The following ATP8B2 variants were observed in gnomAD, a reference collection of about 807,000 sequenced individuals.
ATP8B2 encodes phospholipid-transporting ATPase ID.
ATP8B2 carries 70 observed loss-of-function variants against 133.4 expected under a neutral mutation model. The observed-to-expected ratio is 0.52, with a 90% CI of 0.43 to 0.64. ATP8B2 has a LOEUF of 0.64. Among genes scored for constraint, ATP8B2 ranks in the 30% least tolerant of loss-of-function variants. The pLI is 0.00. For missense variants in ATP8B2, 1,101 were observed against 1,535.7 expected (o/e 0.72, Z 4.73); for synonymous variants, 517 against 589.5 (o/e 0.88, Z 1.78).
At chr1:154,335,903 G>C (rs1686163580) in intron 11 of ATP8B2, among the ~76,000 whole-genome samples, 1 of 152,024 alleles carries the variant, frequency 6.6e-6, no homozygotes. Flanking sequence ...GCTGGGCGTG[G>C]TGGCGGGCAC....
rs757481973 is a variant in ATP8B2, at chr1:154,349,101, A to G, written c.3556A>G (p.Lys1186Glu). Residue 1186 changes from lysine (K) to glutamate (E), a missense_variant, in exon 28 of 28, where the codon AAG (lysine) becomes GAG (glutamate). Coordinates refer to ENST00000368489, the MANE Select transcript of ATP8B2 (RefSeq NM_001370597.1). ...SASSPSGGADKPLKG is the reference protein window; with the variant it reads ...SASSPSGGADEPLKG ...CAGTAGCCCCAGTGGCGGTGCCGAC[A>G]AGCCCCTCAAGGGCTGAAGGCCGAG... 1.2e-6 allele frequency: 2 copies of G among 1,613,908 alleles called. No homozygotes were observed. Among genetic ancestry groups the G allele is most frequent in the Admixed American group, 1.7e-5 (1 of 60,024 alleles).
Position 154,345,103 on chromosome 1 carries a change from G to A in ATP8B2, c.2419G>A (p.Ala807Thr), listed in dbSNP as rs751259917. ...VVELVKKYKKAVTLAIGDGAN... is the reference protein window; with the variant it reads ...VVELVKKYKKTVTLAIGDGAN... ...AGAACTGGTCAAGAAGTACAAGAAG[G>A]CTGTGACGCTTGCCATTGGAGACGG... Residue 807 changes from alanine to threonine, a missense_variant, in exon 22 of 28, where the codon GCT becomes ACT. Transcript: ENST00000368489. This position sits in a 1 kb window ranked among gnomAD's most constrained non-coding sequence, Gnocchi z 5.6. The A allele has an allele frequency of 1.9e-6, 3 of 1,614,206 alleles. No homozygotes were observed. The highest frequency in any genetic ancestry group is 2.5e-6 in the Non-Finnish European group (3 of 1,180,034).
chr1:154,335,199 A>G (rs1452488732), intron 11 of ATP8B2, among the ~76,000 whole-genome samples: 1 of 151,710 alleles, frequency 6.6e-6, no homozygotes, highest in South Asian at 2.1e-4. Flanking sequence ...GTGTGCGGAA[A>G]CCCAGCCTGG....
chr1:154,345,045 C>T lies in ATP8B2; in HGVS notation c.2361C>T (p.Cys787=). 1.2e-6 allele frequency: 2 copies of T among 1,614,162 alleles called. No individual in the cohort carries two copies. The highest frequency in any genetic ancestry group is 1.7e-6 in the Non-Finnish European group (2 of 1,180,030). The change falls in exon 22 of 28, where the codon TGC becomes TGT. Residue 787 remains cysteine, a synonymous_variant. Coordinates refer to ENST00000368489, the MANE Select transcript of ATP8B2 (RefSeq NM_001370597.1). The surrounding 1 kb of genome is among the most constrained non-coding windows in gnomAD (Gnocchi z 5.6). The part of the protein sequence containing the change: ...TACACKAVIC[C]RVTPLQKAQV... ...GTGCCTGCAAAGCTGTCATCTGCTG[C>T]CGGGTGACCCCCTTGCAGAAGGCAC...
chr1:154,345,928 T>C lies in ATP8B2; in HGVS notation c.2778+45T>C, dbSNP rs2149175355. On this transcript the variant is annotated intron_variant, in intron 24 of 27. Transcript: ENST00000368489. The surrounding 1 kb of genome is among the most constrained non-coding windows in gnomAD (Gnocchi z 5.6). ...TCAGATGGGATGCGGGGAAGGTCACTGCTTGAAGGAGTCACATAGACGTGG... is the reference window on the plus strand; with the variant it reads ...TCAGATGGGATGCGGGGAAGGTCACCGCTTGAAGGAGTCACATAGACGTGG... 1 of 1,514,968 alleles carries C rather than the reference T, an allele frequency of 6.6e-7. No homozygotes were observed. Among genetic ancestry groups the C allele is most frequent in the Admixed American group, 1.7e-5 (1 of 59,706 alleles). 93.8% of individuals were successfully genotyped at this position (1,514,968 alleles called of 1,614,324 possible).
At chr1:154,348,006 CAAG>C (rs1686645184) in intron 26 of ATP8B2, among the ~76,000 whole-genome samples, 2 of 103,984 alleles carry the variant, frequency 1.9e-5, no homozygotes, top group Non-Finnish European at 4.0e-5. Context: ...AGAAATGAAT[CAAG>C]ATAAAAAACA....
In ATP8B2 at chr1:154,331,524, CAA is replaced by C. The variant is rs767696949; in HGVS notation, c.365+20_365+21del. The C allele has an allele frequency of 1.2e-5, 19 of 1,613,902 alleles. No homozygotes were observed. The highest frequency in any genetic ancestry group is 1.5e-5 in the Non-Finnish European group (18 of 1,179,882). ...ATGGAATGTGAGTGCCTGTTGGAGA[CAA>C]GAGCTCTGGGGACGAAGGGGGTCCC... On this transcript the variant is annotated intron_variant, in intron 6 of 27. Transcript: ENST00000368489. The surrounding 1 kb of genome is among the most constrained non-coding windows in gnomAD (Gnocchi z 4.8).
In ATP8B2 at chr1:154,328,152, G is replaced by A. The variant is rs370502233; in HGVS notation, c.11G>A (p.Cys4Tyr). The A allele has an allele frequency of 3.7e-6, 6 of 1,613,958 alleles. No individual in the cohort carries two copies. In the East Asian group the frequency reaches 6.7e-5, roughly 18 times the overall value. Residue 4 changes from cysteine to tyrosine, a missense_variant, in exon 2 of 28, where the codon TGT (cysteine) becomes TAT (tyrosine). Cys to Tyr is a radical substitution (Grantham distance 194). Transcript: ENST00000368489. The surrounding 1 kb of genome is among the most constrained non-coding windows in gnomAD (Gnocchi z 4.6). ...ATCTTGCTGGGTGAGATGGCAGTGT[G>A]TGCAAAAAAGCGCCCCCCAGGTAAG... MAV[C>Y]AKKRPPEEER...
rs757500415 is a variant in ATP8B2, at chr1:154,346,291, C to T, written c.2839C>T (p.Leu947Phe). The change falls in exon 25 of 28, where the codon CTT becomes TTT. Residue 947 changes from leucine (L) to phenylalanine (F), a missense_variant. Coordinates refer to ENST00000368489, the MANE Select transcript of ATP8B2 (RefSeq NM_001370597.1). The surrounding 1 kb of genome is among the most constrained non-coding windows in gnomAD (Gnocchi z 4.5). ...GCTGTATGAGCCGGGCCAGCTGAAC[C>T]TTCTCTTCAACAAGCGGGAGTTCTT... ...PKLYEPGQLN[L>F]LFNKREFFIC... is the part of the protein sequence containing the mutation. The T allele has an allele frequency of 2.5e-6, 4 of 1,614,194 alleles. No homozygotes were observed. The highest frequency in any genetic ancestry group is 3.4e-6 in the Non-Finnish European group (4 of 1,180,030).
intron 11 of ATP8B2, among the ~76,000 whole-genome samples, chr1:154,336,087 C>T (rs955193926): frequency 3.3e-5 from 5 of 151,952 alleles, no homozygotes; most frequent in South Asian, 2.1e-4. Flanking sequence ...TGAACATTAC[C>T]GTGGCTTGGC....
chr1:154,343,079 A>C lies in ATP8B2; in HGVS notation c.1454-34A>C, dbSNP rs772269868. 5.3e-5 allele frequency: 85 copies of C among 1,601,436 alleles called. No individual in the cohort carries two copies. Among genetic ancestry groups the C allele is most frequent in the Non-Finnish European group, 7.0e-5 (82 of 1,172,822 alleles). On this transcript the variant is annotated intron_variant, in intron 15 of 27. Transcript: ENST00000368489. This position sits in a 1 kb window ranked among gnomAD's most constrained non-coding sequence, Gnocchi z 5.8. ...GCGGGGCACGTGGCTGAGGGAAGCC[A>C]CTTATATCACGTGTATTCTTCCTCC...
chr1:154,343,057 G>A lies in ATP8B2; in HGVS notation c.1454-56G>A. ...CGGCTGGGCTGGGGCTTCCTGGGCG[G>A]GGCACGTGGCTGAGGGAAGCCACTT... is the stretch of plus-strand genomic sequence containing the variant. On this transcript the variant is annotated intron_variant, in intron 15 of 27. Coordinates refer to ENST00000368489, the MANE Select transcript of ATP8B2 (RefSeq NM_001370597.1). The surrounding 1 kb of genome is among the most constrained non-coding windows in gnomAD (Gnocchi z 5.8). 1 of 1,595,310 alleles carries A rather than the reference G, an allele frequency of 6.3e-7. No homozygotes were observed. The highest frequency in any genetic ancestry group is 1.1e-5 in the South Asian group (1 of 88,568).
chr1:154,346,294 C>T lies in ATP8B2; in HGVS notation c.2842C>T (p.Leu948Phe). The change falls in exon 25 of 28, where the codon CTC becomes TTC. Residue 948 changes from leucine (L) to phenylalanine (F), a missense_variant. Transcript: ENST00000368489. This position sits in a 1 kb window ranked among gnomAD's most constrained non-coding sequence, Gnocchi z 4.5. ...KLYEPGQLNL[L>F]FNKREFFICI... is the part of the protein sequence containing the mutation. ...GTATGAGCCGGGCCAGCTGAACCTT[C>T]TCTTCAACAAGCGGGAGTTCTTCAT... 1 of 1,614,216 alleles carries T rather than the reference C, an allele frequency of 6.2e-7. No individual in the cohort carries two copies. The highest frequency in any genetic ancestry group is 8.5e-7 in the Non-Finnish European group (1 of 1,180,040).
rs764149240 is a variant in ATP8B2, at chr1:154,345,062, A to G, written c.2378A>G (p.Gln793Arg). 2 of 1,614,204 alleles carry G rather than the reference A, an allele frequency of 1.2e-6. No homozygotes were observed. Among genetic ancestry groups the G allele is most frequent in the Admixed American group, 3.3e-5 (2 of 60,032 alleles). The change falls in exon 22 of 28, where the codon CAG (glutamine) becomes CGG (arginine). Residue 793 changes from glutamine (Q) to arginine (R), a missense_variant. Physicochemically the swap from Gln to Arg is conservative, Grantham distance 43. Coordinates refer to ENST00000368489, the MANE Select transcript of ATP8B2 (RefSeq NM_001370597.1). This position sits in a 1 kb window ranked among gnomAD's most constrained non-coding sequence, Gnocchi z 5.6. ...ATCTGCTGCCGGGTGACCCCCTTGC[A>G]GAAGGCACAGGTGGTAGAACTGGTC... ...AVICCRVTPL[Q>R]KAQVVELVKK...
intron 26 of ATP8B2, among the ~76,000 whole-genome samples, chr1:154,347,935 T>C (rs753612866): frequency 3.3e-5 from 3 of 89,718 alleles, no homozygotes; most frequent in Admixed American, 1.3e-4. Context: ...CAAAACTCTG[T>C]CTCAAAAAAA....
At chr1:154,342,672 G>T in intron 14 of ATP8B2, 124 bp from the exon 15 acceptor site, 1 of 1,456,014 alleles carries the variant, frequency 6.9e-7, no homozygotes, top group South Asian at 1.2e-5. Flanking sequence ...GATGACGGAA[G>T]TGGAAATTTT....
intron 2 of ATP8B2, chr1:154,329,160 C>A: frequency 1.7e-6 from 2 of 1,158,694 alleles, no homozygotes; most frequent in Non-Finnish European, 2.2e-6. Context: ...CCAGCCTCCC[C>A]CTACCTGCCT....
Position 154,345,502 on chromosome 1 carries a change from T to C in ATP8B2, c.2651T>C (p.Met884Thr). ...YFFYKNFAFT[M>T]VHFWFGFFCG... ...TTCTACAAAAACTTTGCTTTCACCA[T>C]GGTCCACTTCTGGTTTGGCTTCTTC... Residue 884 changes from methionine (M) to threonine (T), a missense_variant, in exon 23 of 28, where the codon ATG (methionine) becomes ACG (threonine). Met to Thr is a moderately conservative substitution (Grantham distance 81). Coordinates refer to ENST00000368489, the MANE Select transcript of ATP8B2 (RefSeq NM_001370597.1). The surrounding 1 kb of genome is among the most constrained non-coding windows in gnomAD (Gnocchi z 5.6). 2 of 1,614,190 alleles carry C rather than the reference T, an allele frequency of 1.2e-6. No homozygotes were observed. Among genetic ancestry groups the C allele is most frequent in the Non-Finnish European group, 8.5e-7 (1 of 1,180,032 alleles).
At chr1:154,333,633 C>T (rs1353821156) in intron 9 of ATP8B2, among the ~76,000 whole-genome samples, 2 of 138,572 alleles carry the variant, frequency 1.4e-5, no homozygotes, top group African/African-American at 5.3e-5. Context: ...AATATTAGGT[C>T]ATGCTGCAGC....
Sources: allele counts gnomAD v4.1 joint callset (sites outside exome capture counted in the v4.1 genomes callset), GRCh38; gene constraint gnomAD v4.1.1; non-coding constraint Gnocchi (gnomAD v3.1); transcripts MANE v1.5; gene names NCBI Gene and HGNC (gene_info 2026-07-23, HGNC 2026-07-21).